Variants in SOX5 observed in about 807,000 individuals in gnomAD.
The protein encoded by SOX5 is SRY-box transcription factor 5.
Under a neutral mutation model 92.0 loss-of-function variants are expected in SOX5, and 9 were observed. The ratio of observed to expected loss-of-function variants is 0.10; its 90% CI spans 0.06 to 0.17. The LOEUF (loss-of-function observed/expected upper bound fraction) is 0.17, where lower values mean the gene tolerates loss of function less well. Ranked by LOEUF, SOX5 falls within the 10% of genes least tolerant of loss-of-function variation. SOX5 has a pLI of 1.00. For synonymous variants in SOX5, 344 were observed against 336.3 expected (o/e 1.02, Z -0.25); for missense variants, 642 against 944.5 (o/e 0.68, Z 4.20).
intron 4 of SOX5, among the ~76,000 whole-genome samples, chr12:24,084,921 T>G (rs1225828927): frequency 1.3e-5 from 2 of 152,134 alleles, no homozygotes; most frequent in Admixed American, 6.6e-5. Context: ...ACAGAAACCT[T>G]TAAGTGATTA....
intron 2 of SOX5, among the ~76,000 whole-genome samples, chr12:23,851,858 T>G (rs953654240): frequency 1.3e-5 from 2 of 152,068 alleles, no homozygotes; most frequent in African/African-American, 2.4e-5. Context: ...GGTACACAAC[T>G]TAAGATTATA....
intron 13 of SOX5, among the ~76,000 whole-genome samples, chr12:23,541,868 T>C (rs1942120522): frequency 6.6e-6 from 1 of 152,188 alleles, no homozygotes; most frequent in Admixed American, 6.5e-5. Context: ...CCCAGCACTT[T>C]GGGAGGCCAA....
rs532507962 is a variant in SOX5, at chr12:23,899,760, C to T, written c.39-3736G>A. ...GCACAAGCAAAATCTTCCAAATCATCAACAACTATTTGATGATCAGCTACC... is the reference window on the plus strand; with the variant it reads ...GCACAAGCAAAATCTTCCAAATCATTAACAACTATTTGATGATCAGCTACC... On this transcript the variant is annotated intron_variant, in intron 1 of 14. Coordinates refer to ENST00000451604, the MANE Select transcript of SOX5 (RefSeq NM_006940.6). Among the ~76,000 whole-genome samples the T allele has an allele frequency of 1.1e-4, 17 of 152,272 alleles. No individual in the cohort carries two copies. The South Asian group carries it at 3.5e-3, about 32-fold the overall frequency.
At chr12:24,194,647 G>A (rs1315623384) in intron 4 of SOX5, among the ~76,000 whole-genome samples, 3 of 152,014 alleles carry the variant, frequency 2.0e-5, no homozygotes, top group Non-Finnish European at 4.4e-5. Flanking sequence ...CAATGGAAAC[G>A]AAACAAAGAC....
chr12:23,663,279 G>A (rs2083315719), intron 7 of SOX5, among the ~76,000 whole-genome samples: 1 of 152,206 alleles, frequency 6.6e-6, no homozygotes, highest in South Asian at 2.1e-4. Context: ...ACAAAAGAAG[G>A]GGTATCATTT....
intron 2 of SOX5, among the ~76,000 whole-genome samples, chr12:24,305,707 C>A (rs1260685201): frequency 1.3e-5 from 2 of 152,168 alleles, no homozygotes; most frequent in African/African-American, 4.8e-5. Flanking sequence ...AAGTGATTCT[C>A]CTGCCTCAGC....
intron 4 of SOX5, among the ~76,000 whole-genome samples, chr12:23,967,660 G>A (rs1459840592): frequency 6.6e-6 from 1 of 152,142 alleles, no homozygotes; most frequent in Admixed American, 6.5e-5. Flanking sequence ...AACATTGTGA[G>A]ATGATAGTTA....
At chr12:24,385,692 C>T (rs1221955647) in intron 1 of SOX5, among the ~76,000 whole-genome samples, 1 of 152,032 alleles carries the variant, frequency 6.6e-6, no homozygotes, top group Non-Finnish European at 1.5e-5. Flanking sequence ...CATGGTGGCT[C>T]ATGCCTAGGC....
chr12:24,530,742 C>CA (rs1232680620), intron 1 of SOX5, among the ~76,000 whole-genome samples: 2,250 of 108,364 alleles, frequency 0.021, 54 homozygotes, highest in Admixed American at 0.093. Flanking sequence ...GACTCCATCT[C>CA]AAAAAAAAAA....
chr12:24,163,691 T>C (rs1953046574), intron 4 of SOX5, among the ~76,000 whole-genome samples: 1 of 151,996 alleles, frequency 6.6e-6, no homozygotes, highest in Admixed American at 6.6e-5. Flanking sequence ...TGATGATGAT[T>C]AATCTCTTCT....
At chr12:23,788,485 T>G (rs1012272196) in intron 3 of SOX5, among the ~76,000 whole-genome samples, 2 of 151,716 alleles carry the variant, frequency 1.3e-5, no homozygotes, top group Non-Finnish European at 2.9e-5. Flanking sequence ...AATGAACATT[T>G]CTTTTAAAAT....
At chr12:24,378,817 C>T (rs1957538901) in intron 1 of SOX5, among the ~76,000 whole-genome samples, 1 of 152,160 alleles carries the variant, frequency 6.6e-6, no homozygotes, top group Non-Finnish European at 1.5e-5. Context: ...TCCCTCAATC[C>T]GCACCCCCTG....
intron 2 of SOX5, among the ~76,000 whole-genome samples, chr12:24,306,950 G>A (rs1948636969): frequency 6.6e-6 from 1 of 152,170 alleles, no homozygotes; most frequent in Non-Finnish European, 1.5e-5. Context: ...CTTCTGCCAA[G>A]GACCAATGCT....
chr12:24,262,730 T>G (rs1037815195), intron 3 of SOX5, among the ~76,000 whole-genome samples: 1 of 152,172 alleles, frequency 6.6e-6, no homozygotes, highest in Admixed American at 6.5e-5. Flanking sequence ...ACTCTAACAT[T>G]TTTGAAGACA....
At position 24,054,059 on chromosome 12, in the gene SOX5, G is replaced by A. The variant is rs567988707; in HGVS notation, c.-1-158035C>T. On this transcript the variant is annotated intron_variant, in intron 4 of 4. Coordinates refer to the SOX5 transcript ENST00000446891. The stretch of plus-strand genomic sequence containing the variant: ...CTGTCATTGTGCGTCAAGAAAAATC[G>A]AAAGATGCAACTCTTTACTGTATTT... Among the ~76,000 whole-genome samples, 22 of 152,256 alleles carry A rather than the reference G, an allele frequency of 1.4e-4. No homozygotes were observed. The East Asian group carries it at 2.9e-3, about 20-fold the overall frequency.
chr12:24,350,424 A>T (rs1019593402), intron 2 of SOX5, among the ~76,000 whole-genome samples: 2 of 152,158 alleles, frequency 1.3e-5, no homozygotes, highest in African/African-American at 4.8e-5. Context: ...AGCTCACTGC[A>T]ACCTCAACCT....
intron 3 of SOX5, among the ~76,000 whole-genome samples, chr12:24,269,348 A>G (rs901056093): frequency 6.6e-5 from 10 of 152,220 alleles, no homozygotes; most frequent in African/African-American, 2.4e-4. Context: ...ATTTTAAAAG[A>G]ATGTTAACAC....
chr12:23,700,896 G>A (rs1404852268), intron 6 of SOX5, among the ~76,000 whole-genome samples: 1 of 151,078 alleles, frequency 6.6e-6, no homozygotes, highest in Non-Finnish European at 1.5e-5. Context: ...GCCTCAAATA[G>A]AAATATATGT....
At chr12:24,422,292 C>T (rs1456102885) in intron 1 of SOX5, among the ~76,000 whole-genome samples, 2 of 152,100 alleles carry the variant, frequency 1.3e-5, no homozygotes, top group Non-Finnish European at 2.9e-5. Context: ...TCAATATCTG[C>T]TTCTCTTCTA....
Sources: allele counts gnomAD v4.1 joint callset (sites outside exome capture counted in the v4.1 genomes callset), GRCh38; gene constraint gnomAD v4.1.1; transcripts MANE v1.5; gene names NCBI Gene and HGNC (gene_info 2026-07-23, HGNC 2026-07-21).